The following SLC12A2 variants were observed in gnomAD, a reference collection of about 807,000 sequenced individuals.
SLC12A2 encodes solute carrier family 12 member 2.
Under a neutral mutation model 136.3 loss-of-function variants are expected in SLC12A2, and 67 were observed. The ratio of observed to expected loss-of-function variants is 0.49; its 90% CI spans 0.40 to 0.60. The LOEUF is 0.60. Among genes scored for constraint, SLC12A2 ranks in the 20% least tolerant of loss-of-function variants. The pLI, the probability that SLC12A2 is intolerant of heterozygous loss-of-function variation, is 0.00. For synonymous variants in SLC12A2, 619 were observed against 562.9 expected (o/e 1.10, Z -1.41); for missense variants, 1,322 against 1,534.7 (o/e 0.86, Z 2.32).
At chr5:128,105,111 G>A (rs1760885546) in intron 1 of SLC12A2, among the ~76,000 whole-genome samples, 3 of 152,182 alleles carry the variant, frequency 2.0e-5, no homozygotes, top group African/African-American at 7.2e-5. Context: ...CATTTTGACA[G>A]AAGTCACTGT....
chr5:128,101,190 G>A (rs913825905), intron 1 of SLC12A2, among the ~76,000 whole-genome samples: 1 of 152,096 alleles, frequency 6.6e-6, no homozygotes, highest in Non-Finnish European at 1.5e-5. Context: ...CCGACAGCAC[G>A]GATAGGAAAT....
At chr5:128,116,017 C>T (rs936259405) in intron 4 of SLC12A2, among the ~76,000 whole-genome samples, 2 of 152,130 alleles carry the variant, frequency 1.3e-5, no homozygotes, top group Non-Finnish European at 2.9e-5. Context: ...TGGATATGTT[C>T]AGCAGAGTTA....
intron 1 of SLC12A2, chr5:128,109,952 C>A: frequency 1.1e-6 from 1 of 888,642 alleles, no homozygotes; most frequent in South Asian, 1.3e-5. Flanking sequence ...AACTGGAAAC[C>A]ATTGCTCAGA....
chr5:128,121,074 G>A (rs536463644), intron 4 of SLC12A2, among the ~76,000 whole-genome samples: 2 of 152,128 alleles, frequency 1.3e-5, no homozygotes, highest in South Asian at 2.1e-4. Context: ...CCATAGGAGA[G>A]ATTTAATATT....
chr5:128,184,508 T>C lies in SLC12A2; in HGVS notation c.3435+7T>C. On this transcript the variant is annotated splice_region_variant and intron_variant, in intron 25 of 26. Coordinates refer to ENST00000262461, the MANE Select transcript of SLC12A2 (RefSeq NM_001046.3). ...TGAACTTTATAAGACCAAGGTATTCTCTTCTGCTTCCTTTTCATTAATCTT... is the reference window on the plus strand; with the variant it reads ...TGAACTTTATAAGACCAAGGTATTCCCTTCTGCTTCCTTTTCATTAATCTT... The C allele has an allele frequency of 6.4e-7, 1 of 1,572,606 alleles. No homozygotes were observed. Among genetic ancestry groups the C allele is most frequent in the Non-Finnish European group, 8.6e-7 (1 of 1,166,486 alleles).
chr5:128,102,569 C>T (rs1313882226), intron 1 of SLC12A2, among the ~76,000 whole-genome samples: 1 of 64,920 alleles, frequency 1.5e-5, no homozygotes, highest in African/African-American at 5.4e-5. Flanking sequence ...TATACTGTGT[C>T]TTTCTGTAAT....
At chr5:128,109,704 T>G in intron 1 of SLC12A2, 2 of 1,163,646 alleles carry the variant, frequency 1.7e-6, no homozygotes, top group Admixed American at 3.4e-5. Flanking sequence ...CAGGTGAAAG[T>G]CCCAGCACCA....
chr5:128,179,760 T>A (rs1263414447), intron 22 of SLC12A2, among the ~76,000 whole-genome samples: 1 of 151,976 alleles, frequency 6.6e-6, no homozygotes, highest in African/African-American at 2.4e-5. Context: ...CACCTCCCAC[T>A]AAGCTCCACC....
Position 128,084,116 on chromosome 5 carries a change from C to T in SLC12A2, c.162C>T (p.Gly54=). ...CTGCGCCCGCGAGCCGGGACGGCGG[C>T]GGGGTCCGCGATGAGGGCCCCGCGG... ...EDAAPASRDG[G]GVRDEGPAAA... The change falls in exon 1 of 27, where the codon GGC becomes GGT. Residue 54 remains glycine (G), a synonymous_variant. Transcript: ENST00000262461. This position sits in a 1 kb window ranked among gnomAD's most constrained non-coding sequence, Gnocchi z 5.6. The T allele has an allele frequency of 1.5e-6, 2 of 1,306,388 alleles. No homozygotes were observed. Among genetic ancestry groups the T allele is most frequent in the South Asian group, 2.3e-5 (1 of 44,174 alleles). The allele number at this position is 1,306,388 out of a possible 1,614,324, so 80.9% of individuals were successfully genotyped here.
intron 17 of SLC12A2, among the ~76,000 whole-genome samples, chr5:128,164,841 T>C (rs1002554070): frequency 6.7e-6 from 1 of 148,872 alleles, no homozygotes; most frequent in African/African-American, 2.6e-5. Flanking sequence ...ACAACAAAAC[T>C]GTTTTGTTTT....
chr5:128,129,585 G>A (rs1021679151), intron 4 of SLC12A2, among the ~76,000 whole-genome samples: 1 of 151,844 alleles, frequency 6.6e-6, no homozygotes, highest in Non-Finnish European at 1.5e-5. Context: ...TAGAAAACCT[G>A]TTACAGGTGT....
Position 128,178,635 on chromosome 5 carries a change from C to G in SLC12A2, c.3046C>G (p.Gln1016Glu), listed in dbSNP as rs955262224. 3 of 1,601,850 alleles carry G rather than the reference C, an allele frequency of 1.9e-6. No individual in the cohort carries two copies. The South Asian group carries it at 3.4e-5, about 18-fold the overall frequency. The change falls in exon 22 of 27, where the codon CAG becomes GAG. Residue 1016 changes from glutamine to glutamate, a missense_variant. Gln to Glu is a conservative substitution (Grantham distance 29, BLOSUM62 2). Coordinates refer to ENST00000262461, the MANE Select transcript of SLC12A2 (RefSeq NM_001046.3). ...QKLLEASTQF[Q>E]KKQGKNTIDV... Reference sequence around the variant, plus strand: ...GCTTCTTGAAGCTAGTACACAGTTTCAGAAAAAACAAGGAAAGAATACTAT... The same window carrying G: ...GCTTCTTGAAGCTAGTACACAGTTTGAGAAAAAACAAGGAAAGAATACTAT...
At position 128,083,923 on chromosome 5, in the gene SLC12A2, G is replaced by C. The variant is rs1759901184; in HGVS notation, c.-32G>C. The C allele has an allele frequency of 2.5e-6, 3 of 1,220,600 alleles. No homozygotes were observed. Among genetic ancestry groups the C allele is most frequent in the African/African-American group, 1.6e-5 (1 of 63,580 alleles). 75.6% of individuals were successfully genotyped at this position (1,220,600 alleles called of 1,614,324 possible). On this transcript the variant is annotated 5_prime_UTR_variant, in exon 1 of 27. Coordinates refer to ENST00000262461, the MANE Select transcript of SLC12A2 (RefSeq NM_001046.3). ...GGCGTGCTGCCGGAGACGTCCGCCGGGCTCTGCAGTTCCGCCGGGGGTCGG... is the reference window on the plus strand; with the variant it reads ...GGCGTGCTGCCGGAGACGTCCGCCGCGCTCTGCAGTTCCGCCGGGGGTCGG...
Position 128,167,818 on chromosome 5 carries a change from T to G in SLC12A2, c.2674T>G (p.Trp892Gly). The change falls in exon 18 of 27, where the codon TGG becomes GGG. Residue 892 changes from tryptophan to glycine, a missense_variant. By Grantham distance (184) the Trp-to-Gly change is radical. Transcript: ENST00000262461. Reference sequence around the variant, plus strand: ...ACTTGTCCTTGGATTTAAGAAAGATTGGTTGCAAGCAGATATGAGGGATGT... The same window carrying G: ...ACTTGTCCTTGGATTTAAGAAAGATGGGTTGCAAGCAGATATGAGGGATGT... The part of the protein sequence containing the change: ...NTLVLGFKKD[W>G]LQADMRDVDM... 3 of 1,609,732 alleles carry G rather than the reference T, an allele frequency of 1.9e-6. No homozygotes were observed. Among genetic ancestry groups the G allele is most frequent in the Non-Finnish European group, 2.5e-6 (3 of 1,178,262 alleles).
At chr5:128,183,238 C>G (rs1263483409) in intron 24 of SLC12A2, among the ~76,000 whole-genome samples, 1 of 151,980 alleles carries the variant, frequency 6.6e-6, no homozygotes, top group Non-Finnish European at 1.5e-5. Flanking sequence ...CTCTACATAC[C>G]TATTACTTTC....
chr5:128,106,594 T>C (rs957130043), intron 1 of SLC12A2, among the ~76,000 whole-genome samples: 9 of 152,202 alleles, frequency 5.9e-5, no homozygotes, highest in Non-Finnish European at 1.3e-4. Flanking sequence ...ACTAAAACAG[T>C]TTTAAAAATA....
chr5:128,178,929 A>G (rs541220891), intron 22 of SLC12A2, among the ~76,000 whole-genome samples: 1 of 152,214 alleles, frequency 6.6e-6, no homozygotes, highest in Admixed American at 6.5e-5. Flanking sequence ...TTTTTTTAAT[A>G]TGAACCATTT....
intron 4 of SLC12A2, among the ~76,000 whole-genome samples, chr5:128,118,136 T>C (rs1211844839): frequency 6.6e-6 from 1 of 152,142 alleles, no homozygotes; most frequent in East Asian, 1.9e-4. Context: ...TAAACTAATA[T>C]AACCACTATG....
chr5:128,168,052 AT>A, intron 18 of SLC12A2, 185 bp downstream of exon 18: 1 of 485,340 alleles, frequency 2.1e-6, no homozygotes, highest in Non-Finnish European at 3.6e-6. Flanking sequence ...ATTGATCTTT[AT>A]ATGTCTCTTT....
Sources: gnomAD v4.1 joint callset for allele counts (sites outside exome capture counted in the v4.1 genomes callset) on GRCh38, gnomAD v4.1.1 for gene constraint, Gnocchi (gnomAD v3.1) non-coding constraint, MANE v1.5 for transcripts, NCBI Gene and HGNC (gene_info 2026-07-23, HGNC 2026-07-21) for gene names.